The following TNIP3 variants were observed in gnomAD, a reference collection of about 807,000 sequenced individuals.
TNIP3 encodes TNFAIP3 interacting protein 3, also known as TNFAIP3-interacting protein 3.
TNIP3 carries 34 observed loss-of-function variants against 54.1 expected under a neutral mutation model. That is an observed-to-expected ratio of 0.63 (90% CI 0.48 to 0.84). TNIP3 has a LOEUF of 0.84. Among genes scored for constraint, TNIP3 ranks in the 40% least tolerant of loss-of-function variants. The probability of loss-of-function intolerance (pLI) is 0.00; values close to 1 mark genes in which losing one functional copy is unlikely to be tolerated. For synonymous variants in TNIP3, 134 were observed against 136.8 expected, an observed-to-expected ratio of 0.98 and a Z score of 0.14; for missense variants, 366 against 387.6, an observed-to-expected ratio of 0.94 and a Z score of 0.47.
intron 2 of TNIP3, among the ~76,000 whole-genome samples, chr4:121,160,469 A>G (rs987439842): frequency 1.9e-4 from 26 of 138,430 alleles, no homozygotes; most frequent in Non-Finnish European, 3.7e-4. Flanking sequence ...ACAGAGCAAC[A>G]CTGTCTCAAA....
At chr4:121,147,330 A>G (rs1392989864) in intron 6 of TNIP3, among the ~76,000 whole-genome samples, 156 bp from the exon 7 acceptor site, 1 of 152,206 alleles carries the variant, frequency 6.6e-6, no homozygotes, top group Admixed American at 6.5e-5. Flanking sequence ...ATCCATCCCT[A>G]ACACAAGGGC....
At chr4:121,218,374 T>A (rs1461676842), upstream of TNIP3, among the ~76,000 whole-genome samples, 1 of 152,204 alleles carries the variant, frequency 6.6e-6, no homozygotes, top group African/African-American at 2.4e-5. Flanking sequence ...TTACTGAACA[T>A]TGTATTTCCT....
At chr4:121,152,200 C>G (rs1050454019) in intron 5 of TNIP3, among the ~76,000 whole-genome samples, 7 of 152,112 alleles carry the variant, frequency 4.6e-5, no homozygotes, top group Admixed American at 3.3e-4. Context: ...GGATTCCATG[C>G]TGTGATGGAT....
chr4:121,222,431 T>A (rs1727068120), intron 1 of TNIP3, among the ~76,000 whole-genome samples: 1 of 152,158 alleles, frequency 6.6e-6, no homozygotes, highest in Non-Finnish European at 1.5e-5. Flanking sequence ...GTCTCTCACG[T>A]TTAACAGACT....
chr4:121,219,728 T>C (rs1726954047), upstream of TNIP3, among the ~76,000 whole-genome samples: 2 of 152,232 alleles, frequency 1.3e-5, no homozygotes, highest in African/African-American at 4.8e-5. Flanking sequence ...CTTATACTAT[T>C]GTTTACATTT....
At chr4:121,225,121 T>G (rs185134675) in intron 1 of TNIP3, among the ~76,000 whole-genome samples, 36 of 152,364 alleles carry the variant, frequency 2.4e-4, no homozygotes, top group Admixed American at 2.4e-3. Flanking sequence ...ATATCCTTTC[T>G]TCTTGCAGAA....
intron 2 of TNIP3, among the ~76,000 whole-genome samples, chr4:121,193,180 G>A (rs1379132980): frequency 6.6e-6 from 1 of 152,064 alleles, no homozygotes; most frequent in Admixed American, 6.6e-5. Context: ...ATTGGGACAC[G>A]CTATCAGAGA....
At chr4:121,192,719 T>G (rs1725364555) in intron 2 of TNIP3, 1 of 152,178 alleles carries the variant, frequency 6.6e-6, no homozygotes. Context: ...GGGGTATGGG[T>G]GTAGAGAATT....
At chr4:121,180,474 A>G (rs925647811) in intron 3 of TNIP3, among the ~76,000 whole-genome samples, 6 of 152,334 alleles carry the variant, frequency 3.9e-5, no homozygotes, top group Middle Eastern at 3.4e-3. Flanking sequence ...TGTCAAATGC[A>G]AATAAAAAGA....
upstream of TNIP3, among the ~76,000 whole-genome samples, chr4:121,166,152 G>T (rs547941615): frequency 1.7e-4 from 26 of 152,264 alleles, no homozygotes; most frequent in Admixed American, 3.3e-4. Context: ...CACATACATT[G>T]TTAGGTGTGA....
At chr4:121,149,824 C>A (rs577806776) in intron 6 of TNIP3, among the ~76,000 whole-genome samples, 1 of 152,266 alleles carries the variant, frequency 6.6e-6, no homozygotes, top group South Asian at 2.1e-4. Flanking sequence ...GCTAATAGAA[C>A]CTCACCCAAA....
Position 121,150,224 on chromosome 4 carries a change from G to A in TNIP3, c.493-5C>T, listed in dbSNP as rs1312800007. ...ATTCAAGGCATCCTGAAGAGCCTAC[G>A]TAATAAGATAAGTACACTGTTGATC... On this transcript the variant is annotated splice_polypyrimidine_tract_variant and splice_region_variant and intron_variant, in intron 5 of 10. Transcript: ENST00000057513. The A allele has an allele frequency of 1.0e-5, 16 of 1,564,298 alleles. No homozygotes were observed. Among genetic ancestry groups the A allele is most frequent in the African/African-American group, 1.4e-5 (1 of 73,878 alleles).
At chr4:121,203,258 T>TAGATAGAA (rs899923012) in intron 2 of TNIP3, among the ~76,000 whole-genome samples, 6 of 150,882 alleles carry the variant, frequency 4.0e-5, no homozygotes, top group African/African-American at 1.5e-4. Context: ...GATAGATAGA[T>TAGATAGAA]AGAAAGATAC....
rs943088308 is a variant in TNIP3 at position 121,142,760 on chromosome 4, A to G, written c.752T>C (p.Met251Thr). 1.2e-6 allele frequency: 2 copies of G among 1,612,442 alleles called. No homozygotes were observed. Among genetic ancestry groups the G allele is most frequent in the Non-Finnish European group, 1.7e-6 (2 of 1,178,986 alleles). Residue 251 changes from methionine to threonine, a missense_variant, in exon 8 of 11, where the codon ATG becomes ACG. Transcript: ENST00000057513. ...TTGCTTTTCTAGTTTTTCTTTCTCCATCTGACAAGCTTTTATCTAAAGACA... is the reference window on the plus strand; with the variant it reads ...TTGCTTTTCTAGTTTTTCTTTCTCCGTCTGACAAGCTTTTATCTAAAGACA... ...RLNSQIKACQ[M>T]EKEKLEKQLK...
intron 2 of TNIP3, among the ~76,000 whole-genome samples, chr4:121,209,941 C>T (rs1394144252): frequency 6.6e-6 from 1 of 152,124 alleles, no homozygotes; most frequent in African/African-American, 2.4e-5. Flanking sequence ...CTGAATTTTA[C>T]ATGAGTGCTT....
chr4:121,200,910 G>C (rs1309760058), intron 2 of TNIP3, among the ~76,000 whole-genome samples: 1 of 152,112 alleles, frequency 6.6e-6, no homozygotes, highest in East Asian at 1.9e-4. Context: ...AACCCGGAGG[G>C]AAGTGTCACA....
intron 6 of TNIP3, among the ~76,000 whole-genome samples, chr4:121,147,683 G>C (rs548678822): frequency 4.0e-4 from 61 of 152,142 alleles, no homozygotes; most frequent in Non-Finnish European, 1.5e-4. Flanking sequence ...ACTTACTGTT[G>C]ACTGAAGGTT....
chr4:121,132,272 T>G lies in TNIP3; in HGVS notation c.*359A>C, dbSNP rs549679476. ...CACACATATGCACTTTAAATCAACA[T>G]ACAATATCCCTGCAGCAAACACTGA... On this transcript the variant is annotated 3_prime_UTR_variant, in exon 11 of 11. Coordinates refer to ENST00000057513, the MANE Select transcript of TNIP3 (RefSeq NM_024873.6). 3.5e-5 allele frequency: 8 copies of G among 225,804 alleles called. No individual in the cohort carries two copies. The South Asian group carries it at 6.3e-4, about 18-fold the overall frequency. The allele number at this position is 225,804 out of a possible 1,614,324, so 14.0% of individuals were successfully genotyped here. A position where few individuals can be genotyped will look rare whatever the true frequency, so the allele number is the denominator to read the frequency against.
intron 4 of TNIP3, 52 bp from the exon 5 acceptor site, chr4:121,154,731 A>G: frequency 1.3e-6 from 2 of 1,513,944 alleles, no homozygotes; most frequent in Non-Finnish European, 1.8e-6. Flanking sequence ...GTCAAATGAG[A>G]TGATATTGTA....
Sources: allele counts gnomAD v4.1 joint callset (sites outside exome capture counted in the v4.1 genomes callset), GRCh38; gene constraint gnomAD v4.1.1; transcripts MANE v1.5; gene names NCBI Gene and HGNC (gene_info 2026-07-23, HGNC 2026-07-21).